Variants in TRDN observed in about 807,000 individuals in gnomAD.
TRDN encodes the protein triadin.
In TRDN, 161 loss-of-function variants were observed where a neutral mutation model predicts 149.7. The observed-to-expected ratio is 1.08, with a 90% CI of 0.95 to 1.23. The LOEUF (loss-of-function observed/expected upper bound fraction) is 1.23, where lower values mean the gene tolerates loss of function less well. TRDN is among the 50% of genes most tolerant of loss of function. The pLI is 0.00. For synonymous variants in TRDN, 294 were observed against 250.5 expected (o/e 1.17, Z -1.64); for missense variants, 896 against 823.5 (o/e 1.09, Z -1.08).
chr6:123,358,071 G>A (rs535993739), intron 20 of TRDN, among the ~76,000 whole-genome samples: 16 of 152,186 alleles, frequency 1.1e-4, no homozygotes, highest in African/African-American at 3.9e-4. Context: ...TTAACTTCTT[G>A]GAGTCAAAAG....
At chr6:123,242,333 G>T (rs1296231807) in intron 38 of TRDN, among the ~76,000 whole-genome samples, 2 of 152,082 alleles carry the variant, frequency 1.3e-5, no homozygotes, top group African/African-American at 4.8e-5. Context: ...TTTTAAGAAT[G>T]TGGGATTTTT....
At chr6:123,301,770 C>CATATATATATATATACATATATAT (rs1562252279) in intron 24 of TRDN, among the ~76,000 whole-genome samples, 3 of 57,828 alleles carry the variant, frequency 5.2e-5, no homozygotes, top group East Asian at 1.0e-3. Context: ...TATATATATA[C>CATATATATATATATACATATATAT]ATATATATAT....
Position 123,231,390 on chromosome 6 carries a change from A to G in TRDN, c.1976-7259T>C, listed in dbSNP as rs541766302. Among the ~76,000 whole-genome samples the G allele has an allele frequency of 2.0e-5, 3 of 152,162 alleles. No homozygotes were observed. In the South Asian group the frequency reaches 6.2e-4, roughly 31 times the overall value. On this transcript the variant is annotated intron_variant, in intron 38 of 40. Transcript: ENST00000334268. The stretch of plus-strand genomic sequence containing the variant: ...ATGGACACTCTTCCACTGGTGATGG[A>G]CTTTGAACAATCGTAATGAATTGCA...
At chr6:123,264,458 G>T (rs1776870722) in intron 33 of TRDN, among the ~76,000 whole-genome samples, 1 of 152,066 alleles carries the variant, frequency 6.6e-6, no homozygotes, top group African/African-American at 2.4e-5. Context: ...TATTTCTCAT[G>T]GATGAGAAAA....
chr6:123,306,260 A>C (rs1778607460), intron 24 of TRDN, among the ~76,000 whole-genome samples: 1 of 152,068 alleles, frequency 6.6e-6, no homozygotes, highest in Non-Finnish European at 1.5e-5. Context: ...TTGTTACTTA[A>C]ATGTGGCCTA....
At chr6:123,572,272 C>A (rs11757798) in intron 1 of TRDN, among the ~76,000 whole-genome samples, 55,246 of 151,764 alleles carry the variant, frequency 0.36, 10,435 homozygotes, top group East Asian at 0.47. Flanking sequence ...TTGGTGGTTT[C>A]TAAAATTGCA....
chr6:123,415,099 G>A (rs1472784658), intron 12 of TRDN, among the ~76,000 whole-genome samples: 1 of 152,096 alleles, frequency 6.6e-6, no homozygotes, highest in African/African-American at 2.4e-5. Context: ...TTGTAGCTTT[G>A]CATACTTCTT....
chr6:123,488,739 G>A (rs1211781082), intron 9 of TRDN: 4 of 141,044 alleles, frequency 2.8e-5, no homozygotes, highest in Non-Finnish European at 4.5e-5. Context: ...GATTTCCTGA[G>A]TACTAACCAA....
chr6:123,441,822 C>T (rs1181836086), intron 10 of TRDN, among the ~76,000 whole-genome samples: 1 of 152,178 alleles, frequency 6.6e-6, no homozygotes, highest in African/African-American at 2.4e-5. Flanking sequence ...TTTTGTTCCT[C>T]CCCTCTTTGC....
chr6:123,405,927 T>C (rs1773174726), intron 12 of TRDN, among the ~76,000 whole-genome samples: 2 of 152,308 alleles, frequency 1.3e-5, no homozygotes, highest in South Asian at 4.1e-4. Flanking sequence ...AGCTTAACGA[T>C]AGTCCCTCAG....
intron 10 of TRDN, among the ~76,000 whole-genome samples, chr6:123,458,460 C>G (rs1425426926): frequency 6.6e-6 from 1 of 152,104 alleles, no homozygotes; most frequent in Non-Finnish European, 1.5e-5. Flanking sequence ...TGAAGTCCCC[C>G]AAGGAGGAAG....
chr6:123,531,426 G>A (rs557250002), intron 4 of TRDN, among the ~76,000 whole-genome samples: 38 of 152,064 alleles, frequency 2.5e-4, no homozygotes, highest in Non-Finnish European at 1.6e-4. Context: ...TTGTAAATCT[G>A]CATTTGCATT....
intron 38 of TRDN, among the ~76,000 whole-genome samples, chr6:123,238,152 A>G (rs925921591): frequency 2.0e-5 from 3 of 152,230 alleles, no homozygotes; most frequent in African/African-American, 7.2e-5. Flanking sequence ...CATAGAAGGC[A>G]CTACTAGGAA....
At chr6:123,263,291 C>A (rs1417198012) in intron 33 of TRDN, among the ~76,000 whole-genome samples, 4 of 152,026 alleles carry the variant, frequency 2.6e-5, no homozygotes, top group Non-Finnish European at 5.9e-5. Context: ...CAGCAAGGCC[C>A]TAACTCCCTT....
In TRDN at chr6:123,554,876, T is replaced by G. The variant is rs183946485; in HGVS notation, c.233-6264A>C. The stretch of plus-strand genomic sequence containing the variant: ...GAGAATACAAAGACTTATGAAACAG[T>G]TTGGGCTCAAGGTCTGGCATTATTT... On this transcript the variant is annotated intron_variant, in intron 2 of 40. Coordinates refer to ENST00000334268, the MANE Select transcript of TRDN (RefSeq NM_006073.4). 4.9e-4 allele frequency among the ~76,000 whole-genome samples: 75 copies of G among 152,276 alleles called. No homozygotes were observed. In the East Asian group the frequency reaches 9.4e-3, roughly 19 times the overall value.
At chr6:123,232,275 C>T (rs1463971476) in intron 38 of TRDN, among the ~76,000 whole-genome samples, 1 of 151,844 alleles carries the variant, frequency 6.6e-6, no homozygotes, top group Non-Finnish European at 1.5e-5. Context: ...AGGCGACCCA[C>T]AATGTGGAAG....
chr6:123,447,957 G>A (rs1015894258), intron 10 of TRDN, among the ~76,000 whole-genome samples: 6 of 152,160 alleles, frequency 3.9e-5, no homozygotes, highest in Admixed American at 6.5e-5. Flanking sequence ...CTCTTCTCCC[G>A]AATACACACC....
At chr6:123,605,604 A>C (rs1280353460) in intron 1 of TRDN, among the ~76,000 whole-genome samples, 1 of 151,566 alleles carries the variant, frequency 6.6e-6, no homozygotes, top group Non-Finnish European at 1.5e-5. Flanking sequence ...CTACAAAAAA[A>C]AAAAAAAAAT....
chr6:123,225,069 T>C (rs939455588), intron 38 of TRDN, among the ~76,000 whole-genome samples: 36 of 147,850 alleles, frequency 2.4e-4, no homozygotes, highest in Admixed American at 2.3e-3. Context: ...AACAAATAAA[T>C]GGGCAAAGGA....
Sources: gnomAD v4.1 joint callset for allele counts (sites outside exome capture counted in the v4.1 genomes callset) on GRCh38, gnomAD v4.1.1 for gene constraint, MANE v1.5 for transcripts, NCBI Gene and HGNC (gene_info 2026-07-23, HGNC 2026-07-21) for gene names.